SLC4A4: variants seen among roughly 807,000 people sequenced by gnomAD.
SLC4A4 encodes electrogenic sodium bicarbonate cotransporter 1.
In SLC4A4, 27 loss-of-function variants were observed where a neutral mutation model predicts 111.5. The ratio of observed to expected loss-of-function variants is 0.24; its 90% CI spans 0.18 to 0.33. SLC4A4 has a LOEUF of 0.33. Among genes scored for constraint, SLC4A4 ranks in the 10% least tolerant of loss-of-function variants. SLC4A4 has a pLI of 1.00. For missense variants in SLC4A4, 909 were observed against 1,315.5 expected, an observed-to-expected ratio of 0.69 and a Z score of 4.78; for synonymous variants, 443 against 463.4, an observed-to-expected ratio of 0.96 and a Z score of 0.57.
intron 1 of SLC4A4, among the ~76,000 whole-genome samples, chr4:71,091,950 C>T (rs79372055): frequency 0.012 from 1,821 of 152,232 alleles, 33 homozygotes; most frequent in African/African-American, 0.042. Flanking sequence ...TATTGCCTTA[C>T]GGAGTAGTAA....
At chr4:71,513,285 A>G (rs895580096) in intron 16 of SLC4A4, among the ~76,000 whole-genome samples, 18 of 151,956 alleles carry the variant, frequency 1.2e-4, no homozygotes, top group African/African-American at 4.3e-4. Flanking sequence ...AAGTTTTTCT[A>G]TTTGTGGCCT....
intron 2 of SLC4A4, among the ~76,000 whole-genome samples, chr4:71,175,354 C>G (rs1348196995): frequency 6.6e-6 from 1 of 152,180 alleles, no homozygotes; most frequent in African/African-American, 2.4e-5. Flanking sequence ...TGCAGCGCAC[C>G]AAGCGTGAGC....
chr4:71,223,920 C>G (rs1243748080), intron 1 of SLC4A4, among the ~76,000 whole-genome samples: 1 of 152,028 alleles, frequency 6.6e-6, no homozygotes, highest in Non-Finnish European at 1.5e-5. Context: ...CTTCGTGGCC[C>G]CGTTTCTGAT....
At chr4:71,175,370 C>A (rs1312383265) in intron 2 of SLC4A4, among the ~76,000 whole-genome samples, 2 of 152,232 alleles carry the variant, frequency 1.3e-5, no homozygotes, top group Non-Finnish European at 2.9e-5. Context: ...TGAGCCGAAG[C>A]AGGGCGAGGC....
chr4:71,410,091 A>T (rs982782837), intron 7 of SLC4A4, among the ~76,000 whole-genome samples: 2 of 152,180 alleles, frequency 1.3e-5, no homozygotes, highest in African/African-American at 4.8e-5. Flanking sequence ...AGTTTGCTGC[A>T]GGGGTGGGGC....
intron 2 of SLC4A4, among the ~76,000 whole-genome samples, chr4:71,244,802 A>G (rs1720522817): frequency 6.6e-6 from 1 of 151,942 alleles, no homozygotes; most frequent in African/African-American, 2.4e-5. Flanking sequence ...AGCCGATCAA[A>G]ATGGTAAGAA....
chr4:71,185,565 A>G (rs139227036), upstream of SLC4A4, among the ~76,000 whole-genome samples: 20 of 152,354 alleles, frequency 1.3e-4, 1 homozygote, highest in East Asian at 3.3e-3. Flanking sequence ...ACATGACAGT[A>G]CATTTTAATT....
chr4:71,198,947 A>G (rs1339843192), intron 1 of SLC4A4, among the ~76,000 whole-genome samples: 1 of 152,264 alleles, frequency 6.6e-6, no homozygotes, highest in Non-Finnish European at 1.5e-5. Flanking sequence ...GAGAAGGTCC[A>G]GAGCAAATCA....
chr4:71,227,247 G>A (rs532130761), intron 1 of SLC4A4, among the ~76,000 whole-genome samples: 4 of 152,280 alleles, frequency 2.6e-5, no homozygotes, highest in South Asian at 2.1e-4. Context: ...GCATGTACAC[G>A]AAGGTGTGGT....
At chr4:71,282,747 T>A (rs1460675016) in intron 3 of SLC4A4, among the ~76,000 whole-genome samples, 1 of 151,892 alleles carries the variant, frequency 6.6e-6, no homozygotes, top group Non-Finnish European at 1.5e-5. Flanking sequence ...CACATCTGGC[T>A]GATTTTTTTT....
chr4:71,554,141 T>A (rs530268409), intron 20 of SLC4A4, among the ~76,000 whole-genome samples: 2 of 152,038 alleles, frequency 1.3e-5, no homozygotes, highest in Admixed American at 1.3e-4. Flanking sequence ...ATAGAAATTG[T>A]GCTTCACTTA....
chr4:71,389,300 A>G (rs994225284), intron 6 of SLC4A4, among the ~76,000 whole-genome samples: 1 of 152,120 alleles, frequency 6.6e-6, no homozygotes, highest in African/African-American at 2.4e-5. Flanking sequence ...CTTCAACTTT[A>G]CTCACATACT....
At chr4:71,523,065 C>T (rs928963649) in intron 16 of SLC4A4, among the ~76,000 whole-genome samples, 5 of 152,142 alleles carry the variant, frequency 3.3e-5, no homozygotes, top group African/African-American at 1.2e-4. Context: ...AATCAGATGA[C>T]ATCCCCATTC....
intron 7 of SLC4A4, among the ~76,000 whole-genome samples, chr4:71,419,134 G>A (rs1722117236): frequency 6.6e-6 from 1 of 152,190 alleles, no homozygotes; most frequent in South Asian, 2.1e-4. Flanking sequence ...GGCTGCTCAG[G>A]GGTCAGGGGT....
chr4:71,366,704 A>G (rs1731363810), intron 6 of SLC4A4, among the ~76,000 whole-genome samples: 1 of 152,194 alleles, frequency 6.6e-6, no homozygotes, highest in African/African-American at 2.4e-5. Flanking sequence ...CAAGGCATAC[A>G]TAATATATCA....
chr4:71,563,724 C>T (rs1737196746), intron 23 of SLC4A4, 69 bp from the exon 24 acceptor site: 3 of 965,570 alleles, frequency 3.1e-6, no homozygotes, highest in African/African-American at 3.2e-5. Context: ...ACGGTTTGAT[C>T]GATGCTAGGA....
intron 3 of SLC4A4, among the ~76,000 whole-genome samples, chr4:71,276,076 C>G (rs1221913789): frequency 6.6e-6 from 1 of 152,178 alleles, no homozygotes; most frequent in Non-Finnish European, 1.5e-5. Context: ...GAAGGGGAGA[C>G]AGTATGGCAG....
At chr4:71,417,270 A>C (rs2149011432) in intron 7 of SLC4A4, among the ~76,000 whole-genome samples, 1 of 152,344 alleles carries the variant, frequency 6.6e-6, no homozygotes, top group South Asian at 2.1e-4. Flanking sequence ...AGTCACAGCC[A>C]AGTCAATCAA....
chr4:71,516,279 A>G (rs558486659), intron 16 of SLC4A4, among the ~76,000 whole-genome samples: 3 of 150,838 alleles, frequency 2.0e-5, no homozygotes, highest in Non-Finnish European at 4.4e-5. Context: ...TTGTATTTTT[A>G]GTAGAGATGA....
Sources: allele counts gnomAD v4.1 joint callset (sites outside exome capture counted in the v4.1 genomes callset), GRCh38; gene constraint gnomAD v4.1.1; transcripts MANE v1.5; gene names NCBI Gene and HGNC (gene_info 2026-07-23, HGNC 2026-07-21).